The following MYH10 variants were observed in gnomAD, a reference collection of about 807,000 sequenced individuals.
The protein encoded by MYH10 is myosin heavy chain 10.
In MYH10, 55 loss-of-function variants were observed where a neutral mutation model predicts 257.8. The observed-to-expected ratio is 0.21, with a 90% confidence interval of 0.17 to 0.27. The LOEUF (loss-of-function observed/expected upper bound fraction) is 0.27, where lower values mean the gene tolerates loss of function less well. MYH10 is among the 10% of genes least tolerant of loss of function. The pLI is 1.00. For synonymous variants in MYH10, 854 were observed against 921.7 expected (o/e 0.93, Z 1.33); for missense variants, 1,631 against 2,500.6 (o/e 0.65, Z 7.42).
chr17:8,517,330 A>C (rs1042028654), intron 21 of MYH10, among the ~76,000 whole-genome samples: 1 of 152,156 alleles, frequency 6.6e-6, no homozygotes, highest in African/African-American at 2.4e-5. Context: ...CTTGACCACT[A>C]TCTGGGCAAG....
At position 8,506,542 on chromosome 17, in the gene MYH10, G is replaced by T. The variant is rs376667692; in HGVS notation, c.3215-53C>A. 74 of 1,557,866 alleles carry T rather than the reference G, an allele frequency of 4.8e-5. No individual in the cohort carries two copies. The African/African-American group carries it at 7.9e-4, about 17-fold the overall frequency. On this transcript the variant is annotated intron_variant, in intron 26 of 42. Transcript: ENST00000360416. The surrounding 1 kb of genome is among the most constrained non-coding windows in gnomAD (Gnocchi z 5.0). ...CAACACACCGAGTGACTCACCACAG[G>T]AATAAACTAAAATACAGACTGATCC...
At position 8,545,068 on chromosome 17, in the gene MYH10, C is replaced by T. The variant is rs2082404028; in HGVS notation, c.1431+380G>A. On this transcript the variant is annotated intron_variant, in intron 13 of 42. Transcript: ENST00000360416. The surrounding 1 kb of genome is among the most constrained non-coding windows in gnomAD (Gnocchi z 4.7). The stretch of plus-strand genomic sequence containing the variant: ...CTCTGGTCAGCTATATCCAGTCATA[C>T]TGGCTTTCTAGCAGCTTAGAACATT... Among the ~76,000 whole-genome samples the T allele has an allele frequency of 6.6e-6, 1 of 152,242 alleles. No individual in the cohort carries two copies. The highest frequency in any genetic ancestry group is 6.5e-5 in the Admixed American group (1 of 15,284).
At chr17:8,558,396 C>A (rs2082876220) in intron 7 of MYH10, among the ~76,000 whole-genome samples, 1 of 152,208 alleles carries the variant, frequency 6.6e-6, no homozygotes, top group Non-Finnish European at 1.5e-5. Flanking sequence ...ACAGTGCCAG[C>A]CGAGCCTACC....
intron 34 of MYH10, among the ~76,000 whole-genome samples, chr17:8,491,216 G>A (rs920154461): frequency 2.6e-5 from 4 of 152,214 alleles, no homozygotes; most frequent in Non-Finnish European, 5.9e-5. Context: ...GGGGACAGGC[G>A]CGGGGAATCC....
At position 8,572,257 on chromosome 17, in the gene MYH10, TGAGTGAGA is replaced by T. The variant is rs143271607; in HGVS notation, c.664-2453_664-2446del. The stretch of plus-strand genomic sequence containing the variant: ...GTGTGTGTGTGTGTGTGTGTGTGTG[TGAGTGAGA>T]GAGAGAGAGAGAGAGAGAGAGAGAT... On this transcript the variant is annotated intron_variant, in intron 6 of 42. Transcript: ENST00000360416. Among the ~76,000 whole-genome samples, 108 of 96,972 alleles carry T rather than the reference TGAGTGAGA, an allele frequency of 1.1e-3. 1 individual carries two copies. The highest frequency in any genetic ancestry group is 5.9e-3 in the Middle Eastern group (1 of 170). 63.6% of individuals were successfully genotyped at this position (96,972 alleles called of 152,430 possible). A position where few individuals can be genotyped will look rare whatever the true frequency, so the allele number is the denominator to read the frequency against.
chr17:8,507,531 T>C (rs1212557107), intron 26 of MYH10, among the ~76,000 whole-genome samples: 1 of 152,256 alleles, frequency 6.6e-6, no homozygotes, highest in Non-Finnish European at 1.5e-5. Flanking sequence ...CCAGCTTTTA[T>C]GTCACTGGCC....
intron 2 of MYH10, among the ~76,000 whole-genome samples, chr17:8,605,616 C>T (rs543177521): frequency 2.6e-5 from 4 of 152,088 alleles, no homozygotes; most frequent in South Asian, 2.1e-4. Context: ...CAGTGGCAGG[C>T]GCCTGTAATC....
chr17:8,561,426 G>A, intron 7 of MYH10: 2 of 1,081,272 alleles, frequency 1.8e-6, no homozygotes, highest in East Asian at 2.3e-5. Context: ...TGCTTCCCAA[G>A]CTGTGTGTGA....
intron 17 of MYH10, 54 bp downstream of exon 17, chr17:8,530,569 C>A: frequency 8.8e-7 from 1 of 1,135,530 alleles, no homozygotes; most frequent in South Asian, 1.5e-5. Flanking sequence ...CACGTTTTTC[C>A]TGTGGGCTTA....
intron 3 of MYH10, among the ~76,000 whole-genome samples, chr17:8,597,434 TAAG>T (rs2084420763): frequency 6.6e-6 from 1 of 151,836 alleles, no homozygotes. Flanking sequence ...TGTACATATG[TAAG>T]AAGAAATTCC....
chr17:8,493,944 C>T (rs1436626805), intron 31 of MYH10, 59 bp from the exon 32 acceptor site: 4 of 1,541,028 alleles, frequency 2.6e-6, no homozygotes, highest in African/African-American at 1.4e-5. Context: ...AACAAATACA[C>T]CTGTATTAAA....
chr17:8,572,599 G>A (rs892692447), intron 6 of MYH10, among the ~76,000 whole-genome samples: 1 of 152,144 alleles, frequency 6.6e-6, no homozygotes, highest in African/African-American at 2.4e-5. Flanking sequence ...AAGCCAAAAG[G>A]TTGGAACCCA....
chr17:8,537,242 A>C (rs1022631808), intron 14 of MYH10, among the ~76,000 whole-genome samples: 2 of 152,250 alleles, frequency 1.3e-5, no homozygotes, highest in African/African-American at 4.8e-5. Flanking sequence ...CACACTCATG[A>C]AATCAGCTGT....
intron 7 of MYH10, among the ~76,000 whole-genome samples, chr17:8,558,419 T>C (rs1238416313): frequency 6.6e-6 from 1 of 152,180 alleles, no homozygotes; most frequent in Non-Finnish European, 1.5e-5. Context: ...TCTTAGTGTT[T>C]ACCACATACA....
chr17:8,586,784 T>C (rs2083929709), intron 4 of MYH10, among the ~76,000 whole-genome samples: 1 of 152,172 alleles, frequency 6.6e-6, no homozygotes, highest in African/African-American at 2.4e-5. Flanking sequence ...AGTCATTCCC[T>C]CCCTAAGTGC....
At chr17:8,586,688 T>C (rs1274265521) in intron 4 of MYH10, among the ~76,000 whole-genome samples, 1 of 152,144 alleles carries the variant, frequency 6.6e-6, no homozygotes, top group African/African-American at 2.4e-5. Context: ...ATGGTGTCGA[T>C]CATCTAATCA....
intron 34 of MYH10, among the ~76,000 whole-genome samples, chr17:8,491,118 G>A (rs1019205726): frequency 5.3e-5 from 8 of 152,176 alleles, no homozygotes; most frequent in African/African-American, 1.9e-4. Flanking sequence ...CACCTCCTGT[G>A]CCCTTTGACC....
chr17:8,480,220 C>T lies in MYH10; in HGVS notation c.5487G>A (p.Lys1829=), dbSNP rs140276029. 2.7e-4 allele frequency: 431 copies of T among 1,614,154 alleles called. 6 individuals carry two copies. In the East Asian group the frequency reaches 9.4e-3, roughly 35 times the overall value. Reference sequence around the variant, plus strand: ...CACCCTCGAGTTCCTGCAGCTTGGCCTTCAGCTCCTTGTTCTGCCGCTCCA... The same window carrying T: ...CACCCTCGAGTTCCTGCAGCTTGGCTTTCAGCTCCTTGTTCTGCCGCTCCA... ...QQLERQNKEL[K]AKLQELEGAV... Residue 1829 remains lysine, a synonymous_variant, in exon 40 of 43, where the codon AAG becomes AAA. Transcript: ENST00000360416.
At chr17:8,591,486 C>A (rs576965142) in intron 3 of MYH10, among the ~76,000 whole-genome samples, 10 of 152,284 alleles carry the variant, frequency 6.6e-5, no homozygotes, top group African/African-American at 2.4e-4. Context: ...GATTTTACCA[C>A]GTCTTTGCTT....
Sources: gnomAD v4.1 joint callset for allele counts (sites outside exome capture counted in the v4.1 genomes callset) on GRCh38, gnomAD v4.1.1 for gene constraint, Gnocchi (gnomAD v3.1) non-coding constraint, MANE v1.5 for transcripts, NCBI Gene and HGNC (gene_info 2026-07-23, HGNC 2026-07-21) for gene names.